STAG3: variants seen among roughly 807,000 people sequenced by gnomAD.
The protein encoded by STAG3 is cohesin subunit SA-3.
STAG3 carries 101 observed loss-of-function variants against 160.7 expected under a neutral mutation model. That is an observed-to-expected ratio of 0.63 (90% CI 0.54 to 0.74). The LOEUF is 0.74. Ranked by LOEUF, STAG3 falls within the 30% of genes least tolerant of loss-of-function variation. The pLI, the probability that STAG3 is intolerant of heterozygous loss-of-function variation, is 0.00. For synonymous variants in STAG3, 519 were observed against 585.0 expected (o/e 0.89, Z 1.63); for missense variants, 1,188 against 1,517.4 (o/e 0.78, Z 3.61).
intron 29 of STAG3, among the ~76,000 whole-genome samples, chr7:100,210,487 A>T (rs543198669): frequency 6.6e-6 from 1 of 151,706 alleles, no homozygotes; most frequent in Non-Finnish European, 1.5e-5. Context: ...CAATCACTTC[A>T]TTTTTTTCTA....
At chr7:100,180,729 C>CGTTTTCCCA in intron 2 of STAG3, 57 bp downstream of exon 2, 1 of 1,040,768 alleles carries the variant, frequency 9.6e-7, no homozygotes, top group Non-Finnish European at 1.5e-6. Flanking sequence ...CCTTCCCCCT[C>CGTTTTCCCA]GTTTTCCCAC....
chr7:100,213,936 C>A, intron 33 of STAG3, 71 bp from the exon 34 acceptor site: 7 of 1,613,514 alleles, frequency 4.3e-6, no homozygotes, highest in Non-Finnish European at 5.9e-6. Context: ...TGAGGGTAAC[C>A]CAGGGGAGGA....
At chr7:100,217,159 T>C (rs1471072787), downstream of STAG3, among the ~76,000 whole-genome samples, 4 of 152,254 alleles carry the variant, frequency 2.6e-5, no homozygotes, top group Middle Eastern at 3.2e-3. Flanking sequence ...AGCGATACTG[T>C]CTTTTTGTCT....
intron 5 of STAG3, 38 bp downstream of exon 5, chr7:100,186,334 T>G: frequency 6.5e-7 from 1 of 1,530,842 alleles, no homozygotes; most frequent in Middle Eastern, 1.7e-4. Context: ...TCCCAGCCTT[T>G]TGTTCCTATG....
Position 100,211,201 on chromosome 7 carries a change from G to A in STAG3, c.3413+16G>A. 1 of 1,543,676 alleles carries A rather than the reference G, an allele frequency of 6.5e-7. No homozygotes were observed. The highest frequency in any genetic ancestry group is 8.7e-7 in the Non-Finnish European group (1 of 1,148,036). Reference sequence around the variant, plus strand: ...TTGCCCAGGGGTGAGGCCATGGAGGGAATCTGGGTGTCTGAGTTCCCAGTT... The same window carrying A: ...TTGCCCAGGGGTGAGGCCATGGAGGAAATCTGGGTGTCTGAGTTCCCAGTT... On this transcript the variant is annotated intron_variant, in intron 30 of 33. Transcript: ENST00000615138.
intron 13 of STAG3, 45 bp from the exon 14 acceptor site, chr7:100,198,798 T>C (rs1172939193): frequency 7.1e-6 from 11 of 1,550,264 alleles, no homozygotes; most frequent in Non-Finnish European, 8.9e-6. Flanking sequence ...TACACCTCCT[T>C]GTTTCCTGTT....
At position 100,213,327 on chromosome 7, in the gene STAG3, TCTG is replaced by T. The variant is rs369949236; in HGVS notation, c.3601-404_3601-402del. 120 of 985,440 alleles carry T rather than the reference TCTG, an allele frequency of 1.2e-4. No individual in the cohort carries two copies. The African/African-American group carries it at 2.1e-3, about 17-fold the overall frequency. 61.0% of individuals were successfully genotyped at this position (985,440 alleles called of 1,614,324 possible). A position where few individuals can be genotyped will look rare whatever the true frequency, so the allele number is the denominator to read the frequency against. On this transcript the variant is annotated intron_variant, in intron 32 of 33. Transcript: ENST00000615138. ...TCAGTCCATTACAGGCTGCGTATCT[TCTG>T]CTGTTATTCTTCTGTTCTCTTCTCT...
intron 7 of STAG3, 32 bp from the exon 8 acceptor site, chr7:100,189,413 T>C: frequency 6.3e-7 from 1 of 1,599,890 alleles, no homozygotes; most frequent in Non-Finnish European, 8.5e-7. Context: ...ACCTCAGTAA[T>C]GATTTCTTTA....
chr7:100,205,597 C>T (rs956726016), intron 29 of STAG3, among the ~76,000 whole-genome samples: 60 of 151,994 alleles, frequency 3.9e-4, no homozygotes, highest in East Asian at 1.9e-4. Context: ...TTTGGGAGGC[C>T]GAGGCAGGCG....
chr7:100,188,788 T>A (rs1487413296), intron 6 of STAG3, 24 bp from the exon 7 acceptor site: 1 of 1,613,092 alleles, frequency 6.2e-7, no homozygotes, highest in African/African-American at 1.3e-5. Context: ...AACTTTCCCA[T>A]CCTTTTCATA....
Position 100,188,960 on chromosome 7 carries a change from T to G in STAG3, c.659T>G (p.Leu220Arg). 6.2e-7 allele frequency: 1 copy of G among 1,614,206 alleles called. No individual in the cohort carries two copies. The highest frequency in any genetic ancestry group is 8.5e-7 in the Non-Finnish European group (1 of 1,180,036). ...GFPMDDLISLLTGLSDSQVRA... is the reference protein window; with the variant it reads ...GFPMDDLISLRTGLSDSQVRA... ...CCTATGGACGACCTCATCTCCCTGC[T>G]CACTGGCCTCTCAGACTCACAAGTC... is the stretch of plus-strand genomic sequence containing the variant. The change falls in exon 7 of 34, where the codon CTC becomes CGC. Residue 220 changes from leucine (L) to arginine (R), a missense_variant. Leu to Arg is a moderately radical substitution (Grantham distance 102, BLOSUM62 -2). This residue lies in a region of STAG3 where 296 missense variants were observed against 404.0 expected (regional missense o/e 0.73). Transcript: ENST00000615138.
At chr7:100,213,609 G>C in intron 32 of STAG3, 126 bp from the exon 33 acceptor site, 1 of 1,519,080 alleles carries the variant, frequency 6.6e-7, no homozygotes, top group Non-Finnish European at 8.8e-7. Context: ...CCTCCCAGGA[G>C]GTGCCATAGG....
At chr7:100,200,112 C>T (rs957897293) in intron 16 of STAG3, 124 bp from the exon 17 acceptor site, 37 of 596,926 alleles carry the variant, frequency 6.2e-5, no homozygotes, top group East Asian at 1.2e-4. Flanking sequence ...AAAGAAATCT[C>T]GTGGGAGCTA....
chr7:100,186,374 T>C, intron 5 of STAG3, 78 bp downstream of exon 5: 1 of 1,334,694 alleles, frequency 7.5e-7, no homozygotes, highest in South Asian at 1.2e-5. Context: ...TTTAGATAAG[T>C]AGGATTAGAC....
intron 26 of STAG3, 48 bp downstream of exon 26, chr7:100,204,170 C>A: frequency 6.9e-7 from 1 of 1,448,514 alleles, no homozygotes; most frequent in South Asian, 1.1e-5. Context: ...GTCCCCAAGT[C>A]TCTGTCTACC....
At chr7:100,213,666 GGTT>G (rs954044174) in intron 32 of STAG3, 66 bp from the exon 33 acceptor site, 1 of 1,611,180 alleles carries the variant, frequency 6.2e-7, no homozygotes, top group African/African-American at 1.3e-5. Context: ...GAAAGGAACT[GGTT>G]TTTTTATTTG....
rs1454090554 is a variant in STAG3 at position 100,201,077 on chromosome 7, C to A, written c.2062-13C>A. The A allele has an allele frequency of 2.5e-6, 4 of 1,614,034 alleles. No individual in the cohort carries two copies. The stretch of plus-strand genomic sequence containing the variant: ...TGGGGGAAATGCTATTGTGGATCTT[C>A]TTTCCTTCTCAGTCGTCCTTCCTAG... On this transcript the variant is annotated splice_polypyrimidine_tract_variant and intron_variant, in intron 19 of 33. Coordinates refer to ENST00000615138, the MANE Select transcript of STAG3 (RefSeq NM_001282717.2).
intron 8 of STAG3, among the ~76,000 whole-genome samples, chr7:100,192,530 A>G (rs1369533455): frequency 6.6e-6 from 1 of 152,178 alleles, no homozygotes; most frequent in Non-Finnish European, 1.5e-5. Context: ...TCTCAAAAAT[A>G]AATAAAATAA....
At chr7:100,202,665 A>G (rs1801250351) in intron 25 of STAG3, 75 bp downstream of exon 25, 3 of 1,542,422 alleles carry the variant, frequency 1.9e-6, no homozygotes, top group African/African-American at 1.4e-5. Flanking sequence ...ACATAATAGC[A>G]CTACAGGTGG....
Sources: gnomAD v4.1 joint callset for allele counts (sites outside exome capture counted in the v4.1 genomes callset) on GRCh38, gnomAD v4.1.1 for gene constraint, gnomAD v4.1.1 regional missense constraint, MANE v1.5 for transcripts, NCBI Gene and HGNC (gene_info 2026-07-23, HGNC 2026-07-21) for gene names.